Variants in ADGRB3 observed in about 807,000 individuals in gnomAD.
The protein encoded by ADGRB3 is adhesion G protein-coupled receptor B3, also known as brain-specific angiogenesis inhibitor 3.
In ADGRB3, 37 loss-of-function variants were observed where a neutral mutation model predicts 193.4. The ratio of observed to expected loss-of-function variants is 0.19; its 90% CI spans 0.15 to 0.25. The LOEUF (loss-of-function observed/expected upper bound fraction) is 0.25. ADGRB3 is among the 10% of genes least tolerant of loss of function. ADGRB3 has a pLI of 1.00. For missense variants in ADGRB3, 1,637 were observed against 1,852.9 expected, an observed-to-expected ratio of 0.88 and a Z score of 2.14; for synonymous variants, 690 against 644.2, an observed-to-expected ratio of 1.07 and a Z score of -1.08.
At chr6:68,655,309 TTTG>T (rs1241529434) in intron 3 of ADGRB3, among the ~76,000 whole-genome samples, 1 of 151,704 alleles carries the variant, frequency 6.6e-6, no homozygotes, top group East Asian at 1.9e-4. Flanking sequence ...GTTTCGTTTT[TTTG>T]TTGTTTCTGT....
At chr6:68,884,028 T>C (rs1437157346) in intron 3 of ADGRB3, among the ~76,000 whole-genome samples, 2 of 151,692 alleles carry the variant, frequency 1.3e-5, no homozygotes, top group African/African-American at 4.8e-5. Context: ...AAAAAATGAT[T>C]TGACTAGAAT....
chr6:68,941,443 G>GAAA (rs1767639193), intron 5 of ADGRB3, among the ~76,000 whole-genome samples: 1 of 152,096 alleles, frequency 6.6e-6, no homozygotes, highest in Admixed American at 6.5e-5. Flanking sequence ...ATTTTCTGAA[G>GAAA]ATTCCAGTTT....
intron 26 of ADGRB3, among the ~76,000 whole-genome samples, chr6:69,344,156 A>G (rs1769036499): frequency 6.6e-6 from 1 of 152,196 alleles, no homozygotes; most frequent in Non-Finnish European, 1.5e-5. Flanking sequence ...CTTTCACTAA[A>G]TGGAAGGATA....
At chr6:68,825,329 A>G (rs889127340) in intron 3 of ADGRB3, among the ~76,000 whole-genome samples, 8 of 152,074 alleles carry the variant, frequency 5.3e-5, no homozygotes, top group Non-Finnish European at 1.2e-4. Context: ...CCTTCAAGAG[A>G]AGATTGGCAT....
intron 3 of ADGRB3, among the ~76,000 whole-genome samples, chr6:68,883,000 T>C (rs482397): frequency 0.088 from 13,429 of 152,104 alleles, 666 homozygotes; most frequent in African/African-American, 0.12. Context: ...TTCACGCCAT[T>C]CTCCTGCCTC....
chr6:69,360,332 C>G (rs1331632435), intron 28 of ADGRB3, among the ~76,000 whole-genome samples: 2 of 151,646 alleles, frequency 1.3e-5, no homozygotes, highest in Non-Finnish European at 1.5e-5. Flanking sequence ...GTGAAAAAAT[C>G]CTCATTAATT....
intron 3 of ADGRB3, among the ~76,000 whole-genome samples, chr6:68,791,857 A>G (rs1361480396): frequency 6.6e-6 from 1 of 152,214 alleles, no homozygotes; most frequent in Non-Finnish European, 1.5e-5. Flanking sequence ...AGCCAAAAAT[A>G]TAATAATGGT....
At chr6:69,126,330 T>C (rs1202815782) in intron 17 of ADGRB3, among the ~76,000 whole-genome samples, 2 of 151,414 alleles carry the variant, frequency 1.3e-5, no homozygotes, top group Non-Finnish European at 2.9e-5. Flanking sequence ...GCTCACACAA[T>C]AGTGGAGAGG....
chr6:68,745,529 G>A (rs1766067104), intron 3 of ADGRB3, among the ~76,000 whole-genome samples: 1 of 152,004 alleles, frequency 6.6e-6, no homozygotes, highest in Non-Finnish European at 1.5e-5. Flanking sequence ...CAATGTGAAT[G>A]TAACATTTAA....
chr6:69,131,990 C>T (rs749649252), intron 17 of ADGRB3, among the ~76,000 whole-genome samples: 9 of 152,088 alleles, frequency 5.9e-5, no homozygotes, highest in Admixed American at 1.3e-4. Flanking sequence ...TATTCCATGG[C>T]GTATATGTGC....
intron 17 of ADGRB3, among the ~76,000 whole-genome samples, chr6:69,125,596 G>T (rs1308332592): frequency 6.6e-6 from 1 of 152,072 alleles, no homozygotes; most frequent in Non-Finnish European, 1.5e-5. Context: ...CTGTCACCTT[G>T]ATCTTGAACT....
intron 20 of ADGRB3, among the ~76,000 whole-genome samples, chr6:69,297,372 C>CTCTCTTTT (rs1554192076): frequency 2.3e-5 from 2 of 85,348 alleles, no homozygotes; most frequent in African/African-American, 8.5e-5. Context: ...CTCTCTTTCT[C>CTCTCTTTT]TCTCTCTCTC....
chr6:69,308,134 A>G (rs1768103603), intron 20 of ADGRB3, among the ~76,000 whole-genome samples: 1 of 151,518 alleles, frequency 6.6e-6, no homozygotes, highest in Non-Finnish European at 1.5e-5. Flanking sequence ...ATTTGGTATA[A>G]AACAAAGGAA....
At chr6:68,933,347 T>C (rs1250567379) in intron 4 of ADGRB3, among the ~76,000 whole-genome samples, 3 of 152,180 alleles carry the variant, frequency 2.0e-5, no homozygotes, top group African/African-American at 7.2e-5. Flanking sequence ...ATCCTAGCAC[T>C]TTGTCATTTA....
chr6:68,864,451 T>C (rs1284806983), intron 3 of ADGRB3, among the ~76,000 whole-genome samples: 1 of 152,176 alleles, frequency 6.6e-6, no homozygotes, highest in Non-Finnish European at 1.5e-5. Context: ...GCCATAGTCT[T>C]AAAGGAAGAA....
chr6:68,766,934 G>A (rs1278925495), intron 3 of ADGRB3, among the ~76,000 whole-genome samples: 2 of 151,700 alleles, frequency 1.3e-5, no homozygotes, highest in African/African-American at 4.8e-5. Context: ...TTTCATCCAT[G>A]GTTCTCAAAA....
chr6:69,181,662 G>A lies in ADGRB3; in HGVS notation c.2481-51628G>A, dbSNP rs149514738. On this transcript the variant is annotated intron_variant, in intron 17 of 31. Coordinates refer to ENST00000370598, the MANE Select transcript of ADGRB3 (RefSeq NM_001704.3). ...ATTCAGTTTCTTCTTTCCACCTTTT[G>A]CCTAGAATGTTGTCTTCTTAAGCTT... Among the ~76,000 whole-genome samples, 133 of 152,140 alleles carry A rather than the reference G, an allele frequency of 8.7e-4. 3 individuals carry two copies. Among genetic ancestry groups the A allele is most frequent in the Admixed American group, 7.3e-3 (111 of 15,278 alleles).
intron 6 of ADGRB3, among the ~76,000 whole-genome samples, chr6:68,947,103 A>G (rs1167227882): frequency 6.6e-6 from 1 of 152,106 alleles, no homozygotes; most frequent in Non-Finnish European, 1.5e-5. Flanking sequence ...GGGGGCTGAT[A>G]CTAATGAAGC....
intron 17 of ADGRB3, among the ~76,000 whole-genome samples, chr6:69,189,274 C>T (rs1765136891): frequency 6.6e-6 from 1 of 152,146 alleles, no homozygotes; most frequent in Non-Finnish European, 1.5e-5. Context: ...TCCAGTATTT[C>T]TAGGTCAATT....
Sources: allele counts gnomAD v4.1 joint callset (sites outside exome capture counted in the v4.1 genomes callset), GRCh38; gene constraint gnomAD v4.1.1; transcripts MANE v1.5; gene names NCBI Gene and HGNC (gene_info 2026-07-23, HGNC 2026-07-21).